TRDN: variants seen among roughly 807,000 people sequenced by gnomAD.
The protein encoded by TRDN is triadin in skeletal muscle.
In TRDN, 161 loss-of-function variants were observed where a neutral mutation model predicts 149.7. The ratio of observed to expected loss-of-function variants is 1.08; its 90% CI spans 0.95 to 1.23. The LOEUF (loss-of-function observed/expected upper bound fraction) is 1.23. Among genes scored for constraint, TRDN ranks in the 50% most tolerant of loss-of-function variants. The pLI is 0.00. For missense variants in TRDN, 896 were observed against 823.5 expected (o/e 1.09, Z -1.08); for synonymous variants, 294 against 250.5 (o/e 1.17, Z -1.64).
At chr6:123,586,369 A>G (rs542218940) in intron 1 of TRDN, among the ~76,000 whole-genome samples, 99 of 152,174 alleles carry the variant, frequency 6.5e-4, no homozygotes, top group African/African-American at 2.3e-3. Context: ...ATGTGTCTGT[A>G]GAAAAGGAAG....
intron 21 of TRDN, among the ~76,000 whole-genome samples, chr6:123,340,997 T>A (rs928422920): frequency 1.6e-4 from 24 of 152,078 alleles, no homozygotes; most frequent in African/African-American, 5.5e-4. Context: ...CTCTTTGTTT[T>A]ATTTTAATTC....
chr6:123,223,672 TCTTCCTTCCTTCCTTCCTTC>T (rs59071931), intron 39 of TRDN, among the ~76,000 whole-genome samples: 2,618 of 105,780 alleles, frequency 0.025, 85 homozygotes, highest in African/African-American at 0.08. Flanking sequence ...GCCTTCCATT[TCTTCCTTCCTTCCTTCCTTC>T]CTTCCTTCCT....
At chr6:123,457,593 ATTTG>A in intron 10 of TRDN, 1 of 441,524 alleles carries the variant, frequency 2.3e-6, no homozygotes, top group Non-Finnish European at 4.5e-6. Context: ...TTTGTCACCT[ATTTG>A]TTTTTGTGTT....
intron 9 of TRDN, among the ~76,000 whole-genome samples, chr6:123,466,347 C>T (rs1007006221): frequency 6.6e-6 from 1 of 152,144 alleles, no homozygotes; most frequent in African/African-American, 2.4e-5. Flanking sequence ...AATGGTTTTC[C>T]TGCATTAAGT....
chr6:123,443,668 C>T (rs1396393084), intron 10 of TRDN, among the ~76,000 whole-genome samples: 1 of 151,660 alleles, frequency 6.6e-6, no homozygotes, highest in African/African-American at 2.4e-5. Flanking sequence ...ACGTTTAAGT[C>T]TTTAATCCAT....
At chr6:123,540,726 G>T (rs985299154) in intron 4 of TRDN, among the ~76,000 whole-genome samples, 12 of 152,106 alleles carry the variant, frequency 7.9e-5, no homozygotes, top group African/African-American at 2.9e-4. Context: ...CACCTTGTTA[G>T]CCAGGATGGC....
At chr6:123,437,830 T>C (rs1048907277) in intron 12 of TRDN, among the ~76,000 whole-genome samples, 20 of 152,072 alleles carry the variant, frequency 1.3e-4, no homozygotes, top group African/African-American at 4.3e-4. Context: ...CTGCGTTTTT[T>C]TGGGGGGGAA....
intron 23 of TRDN, among the ~76,000 whole-genome samples, chr6:123,317,946 T>A (rs1464082220): frequency 6.6e-6 from 1 of 152,032 alleles, no homozygotes; most frequent in Non-Finnish European, 1.5e-5. Context: ...AGCTGTTGCA[T>A]TTATATTTTA....
At chr6:123,430,513 C>T (rs13211131) in intron 12 of TRDN, among the ~76,000 whole-genome samples, 31,033 of 151,622 alleles carry the variant, frequency 0.2, 3,654 homozygotes, top group African/African-American at 0.32. Flanking sequence ...ACACGGGAGG[C>T]GGAGGTTGCA....
intron 38 of TRDN, among the ~76,000 whole-genome samples, chr6:123,242,960 G>A (rs1242973229): frequency 2.0e-5 from 3 of 152,132 alleles, no homozygotes; most frequent in African/African-American, 7.2e-5. Flanking sequence ...ATCATTCTGA[G>A]AGCTCAGCTC....
intron 24 of TRDN, among the ~76,000 whole-genome samples, chr6:123,312,561 A>T (rs1400827148): frequency 4.6e-5 from 7 of 152,024 alleles, no homozygotes; most frequent in African/African-American, 1.2e-4. Context: ...CTTATAGTTA[A>T]CAGGAGGCTA....
intron 15 of TRDN, 46 bp downstream of exon 15, chr6:123,382,072 A>AT: frequency 2.1e-6 from 3 of 1,418,374 alleles, no homozygotes; most frequent in Non-Finnish European, 1.9e-6. Context: ...ATGCTGTTTC[A>AT]TGGTTCATCA....
At chr6:123,428,432 T>A (rs1774211409) in intron 12 of TRDN, among the ~76,000 whole-genome samples, 1 of 152,136 alleles carries the variant, frequency 6.6e-6, no homozygotes, top group Admixed American at 6.6e-5. Context: ...CATAGGCCAA[T>A]CCCAAGGGAG....
intron 13 of TRDN, among the ~76,000 whole-genome samples, chr6:123,393,167 T>C (rs865787323): frequency 6.6e-6 from 1 of 152,172 alleles, no homozygotes; most frequent in Middle Eastern, 3.4e-3. Flanking sequence ...AGGATAATTA[T>C]TTTGTAGCCA....
At chr6:123,248,372 C>T (rs1297322703) in intron 38 of TRDN, among the ~76,000 whole-genome samples, 1 of 152,018 alleles carries the variant, frequency 6.6e-6, no homozygotes, top group Non-Finnish European at 1.5e-5. Context: ...GACTGGCCAA[C>T]ATGGTGAGAC....
intron 26 of TRDN, among the ~76,000 whole-genome samples, chr6:123,277,438 C>T (rs565553464): frequency 9.5e-4 from 144 of 152,158 alleles, no homozygotes; most frequent in African/African-American, 3.4e-3. Context: ...ACCTCCAGTA[C>T]CTTAAAATAG....
intron 10 of TRDN, chr6:123,464,278 A>G (rs748003869): frequency 3.0e-6 from 3 of 985,154 alleles, no homozygotes; most frequent in Non-Finnish European, 3.6e-6. Context: ...TTTATTACAA[A>G]GCTGATCTTG....
chr6:123,239,735 A>T lies in TRDN; in HGVS notation c.1975+12677T>A, dbSNP rs1222626863. 2.6e-5 allele frequency among the ~76,000 whole-genome samples: 4 copies of T among 152,186 alleles called. No individual in the cohort carries two copies. The South Asian group carries it at 8.3e-4, about 32-fold the overall frequency. ...AATACTACATATAAAAGTTTGTGGG[A>T]TGCTGCTGAAATAGTGCTTAAAGGA... On this transcript the variant is annotated intron_variant, in intron 38 of 40. Coordinates refer to ENST00000334268, the MANE Select transcript of TRDN (RefSeq NM_006073.4).
chr6:123,408,268 T>C (rs539228032), intron 12 of TRDN, among the ~76,000 whole-genome samples: 19 of 152,356 alleles, frequency 1.2e-4, no homozygotes, highest in Admixed American at 1.1e-3. Context: ...CTGAATTTCA[T>C]TGAAGCATCT....
Sources: gnomAD v4.1 joint callset for allele counts (sites outside exome capture counted in the v4.1 genomes callset) on GRCh38, gnomAD v4.1.1 for gene constraint, MANE v1.5 for transcripts, NCBI Gene and HGNC (gene_info 2026-07-23, HGNC 2026-07-21) for gene names.